EDARADD: variants seen among roughly 807,000 people sequenced by gnomAD.
The protein encoded by EDARADD is ectodysplasin-A receptor-associated adapter protein.
Under a neutral mutation model 25.6 loss-of-function variants are expected in EDARADD, and 20 were observed. The observed-to-expected ratio is 0.78, with a 90% CI of 0.55 to 1.14. The LOEUF is 1.14. EDARADD is among the 50% of genes most tolerant of loss of function. The pLI is 0.00. For missense variants in EDARADD, 225 were observed against 270.1 expected, an observed-to-expected ratio of 0.83 and a Z score of 1.17; for synonymous variants, 86 against 94.4, an observed-to-expected ratio of 0.91 and a Z score of 0.52.
chr1:236,466,644 CA>C (rs1659198564), intron 4 of EDARADD, among the ~76,000 whole-genome samples: 1 of 151,942 alleles, frequency 6.6e-6, no homozygotes, highest in Non-Finnish European at 1.5e-5. Flanking sequence ...TGTGTGAAAA[CA>C]AAACAAAACA....
At chr1:236,451,379 T>G (rs1425175315) in intron 4 of EDARADD, among the ~76,000 whole-genome samples, 2 of 152,136 alleles carry the variant, frequency 1.3e-5, no homozygotes, top group Non-Finnish European at 2.9e-5. Flanking sequence ...TGAAACAAAC[T>G]CAGTGGAGTA....
chr1:236,402,856 C>G (rs988600367), intron 1 of EDARADD, among the ~76,000 whole-genome samples: 1 of 152,196 alleles, frequency 6.6e-6, no homozygotes, highest in Admixed American at 6.5e-5. Flanking sequence ...ATGCCTAATG[C>G]CTTCCTCAGG....
At chr1:236,364,365 G>T (rs1179319482) in intron 3 of EDARADD, among the ~76,000 whole-genome samples, 1 of 152,074 alleles carries the variant, frequency 6.6e-6, no homozygotes, top group Non-Finnish European at 1.5e-5. Flanking sequence ...TGGCAGAGTT[G>T]TTTGCCCACT....
intron 4 of EDARADD, 31 bp from the exon 5 acceptor site, chr1:236,468,200 A>T (rs1659268532): frequency 3.1e-6 from 5 of 1,605,898 alleles, no homozygotes; most frequent in South Asian, 1.1e-5. Context: ...TTTGGATATG[A>T]TTTTAATGAA....
chr1:236,349,788 A>G (rs989927041), intron 2 of EDARADD, among the ~76,000 whole-genome samples: 16 of 151,688 alleles, frequency 1.1e-4, no homozygotes, highest in African/African-American at 3.6e-4. Flanking sequence ...GGATCTGGAA[A>G]GGAAGGAAGG....
At chr1:236,358,117 C>G (rs913468111) in intron 3 of EDARADD, among the ~76,000 whole-genome samples, 2 of 152,142 alleles carry the variant, frequency 1.3e-5, no homozygotes, top group East Asian at 3.9e-4. Context: ...GTGTTCCACC[C>G]AACTTCACCT....
At chr1:236,362,164 C>T (rs907666379) in intron 3 of EDARADD, among the ~76,000 whole-genome samples, 27 of 152,092 alleles carry the variant, frequency 1.8e-4, no homozygotes, top group Admixed American at 1.8e-3. Flanking sequence ...TAACCTCAAA[C>T]TCCTGGGCTC....
In EDARADD at chr1:236,353,002, T is replaced by C. The variant is rs115549665; in HGVS notation, c.-6+2163T>C. Among the ~76,000 whole-genome samples, 1,366 of 138,166 alleles carry C rather than the reference T, an allele frequency of 9.9e-3. 26 individuals carry two copies. The highest frequency in any genetic ancestry group is 0.034 in the African/African-American group (1,310 of 38,570). 90.6% of individuals were successfully genotyped at this position (138,166 alleles called of 152,430 possible). ...TTGAGCCTGGGCAACAGAGCAAGAC[T>C]CCGTCTCTAAAAAAAAAACAACAAC... On this transcript the variant is annotated intron_variant, in intron 3 of 7. Coordinates refer to the EDARADD transcript ENST00000439430.
At chr1:236,360,015 A>C (rs546685507) in intron 3 of EDARADD, among the ~76,000 whole-genome samples, 7 of 152,294 alleles carry the variant, frequency 4.6e-5, no homozygotes, top group African/African-American at 1.7e-4. Flanking sequence ...CCAACAAAGC[A>C]TGACATTAAG....
chr1:236,435,477 G>A (rs1410550831), intron 4 of EDARADD, among the ~76,000 whole-genome samples: 2 of 152,148 alleles, frequency 1.3e-5, no homozygotes, highest in Non-Finnish European at 2.9e-5. Context: ...ATAAAGAAAG[G>A]GAAAAGCCAG....
At chr1:236,445,245 T>TTTTTTTTTTTTTTTTTTTTTTAAA (rs1658502774) in intron 4 of EDARADD, among the ~76,000 whole-genome samples, 2 of 139,622 alleles carry the variant, frequency 1.4e-5, no homozygotes, top group Non-Finnish European at 3.2e-5. Context: ...TTTTTTTTTT[T>TTTTTTTTTTTTTTTTTTTTTTAAA]GAGACAGAGT....
At chr1:236,478,119 A>C (rs1042136524) in intron 5 of EDARADD, among the ~76,000 whole-genome samples, 1 of 150,596 alleles carries the variant, frequency 6.6e-6, no homozygotes, top group Non-Finnish European at 1.5e-5. Flanking sequence ...AAAGAAAAGG[A>C]AAGAAAAAAA....
At chr1:236,455,820 C>T (rs574134425) in intron 4 of EDARADD, among the ~76,000 whole-genome samples, 11 of 152,206 alleles carry the variant, frequency 7.2e-5, no homozygotes, top group South Asian at 4.2e-4. Context: ...GACGGAGTCT[C>T]GCTCTGTCAC....
At chr1:236,402,057 G>A (rs1441858854) in intron 1 of EDARADD, among the ~76,000 whole-genome samples, 1 of 152,148 alleles carries the variant, frequency 6.6e-6, no homozygotes, top group African/African-American at 2.4e-5. Flanking sequence ...CACCTCCCGG[G>A]TTCAAGCGAT....
intron 3 of EDARADD, among the ~76,000 whole-genome samples, chr1:236,414,755 C>G (rs1380214903): frequency 6.6e-6 from 1 of 152,070 alleles, no homozygotes; most frequent in African/African-American, 2.4e-5. Context: ...CACCTGTAAT[C>G]CCAGCTACTA....
At chr1:236,355,974 AAT>A (rs1666971307) in intron 3 of EDARADD, among the ~76,000 whole-genome samples, 1 of 152,144 alleles carries the variant, frequency 6.6e-6, no homozygotes, top group African/African-American at 2.4e-5. Context: ...ACAGGCAAAA[AAT>A]ATATATGTAT....
intron 4 of EDARADD, among the ~76,000 whole-genome samples, chr1:236,462,440 A>G (rs1056922710): frequency 1.3e-5 from 2 of 151,794 alleles, no homozygotes; most frequent in African/African-American, 2.4e-5. Context: ...CTCAGTCCAA[A>G]TCAGTGGCCT....
intron 5 of EDARADD, among the ~76,000 whole-genome samples, chr1:236,478,595 A>G (rs1305135042): frequency 2.0e-5 from 3 of 151,770 alleles, no homozygotes; most frequent in Non-Finnish European, 4.4e-5. Flanking sequence ...TATTTTATTT[A>G]TTTATTTTTG....
At chr1:236,428,911 A>T (rs1386144940) in intron 4 of EDARADD, among the ~76,000 whole-genome samples, 1 of 152,066 alleles carries the variant, frequency 6.6e-6, no homozygotes, top group Admixed American at 6.5e-5. Flanking sequence ...AGGCTGGCAG[A>T]TCACTCGCGG....
Sources: allele counts gnomAD v4.1 joint callset (sites outside exome capture counted in the v4.1 genomes callset), GRCh38; gene constraint gnomAD v4.1.1; transcripts MANE v1.5; gene names NCBI Gene and HGNC (gene_info 2026-07-23, HGNC 2026-07-21).